Variants in SLC2A2 observed in about 807,000 individuals in gnomAD.
SLC2A2 encodes the protein solute carrier family 2, facilitated glucose transporter member 2.
A neutral mutation model predicts 54.5 loss-of-function variants in SLC2A2; 36 were observed. The ratio of observed to expected loss-of-function variants is 0.66; its 90% CI spans 0.51 to 0.87. SLC2A2 has a LOEUF of 0.87. SLC2A2 is among the 40% of genes least tolerant of loss of function. The pLI, the probability that SLC2A2 is intolerant of heterozygous loss-of-function variation, is 0.00. For missense variants in SLC2A2, 543 were observed against 624.3 expected (o/e 0.87, Z 1.39); for synonymous variants, 223 against 219.1 (o/e 1.02, Z -0.16).
chr3:171,001,203 C>T (rs934667529), intron 8 of SLC2A2, among the ~76,000 whole-genome samples: 10 of 152,028 alleles, frequency 6.6e-5, no homozygotes, highest in African/African-American at 2.4e-4. Flanking sequence ...CCAATCTTGA[C>T]AATTTGATGC....
chr3:171,000,127 A>G (rs1354793522), intron 8 of SLC2A2, among the ~76,000 whole-genome samples: 2 of 152,052 alleles, frequency 1.3e-5, no homozygotes, highest in African/African-American at 2.4e-5. Flanking sequence ...CTCTGAAGAC[A>G]TCTTAGAAAC....
At chr3:171,021,810 C>A (rs1218921476) in intron 1 of SLC2A2, among the ~76,000 whole-genome samples, 2 of 152,234 alleles carry the variant, frequency 1.3e-5, no homozygotes, top group African/African-American at 4.8e-5. Context: ...CCATTCCCAG[C>A]TCTAGATGCC....
intron 1 of SLC2A2, 102 bp from the exon 2 acceptor site, chr3:171,018,725 G>A: frequency 2.5e-6 from 2 of 787,638 alleles, no homozygotes; most frequent in Admixed American, 3.8e-5. Flanking sequence ...CCACAGGCTG[G>A]TTCTTTCCCC....
intron 3 of SLC2A2, among the ~76,000 whole-genome samples, chr3:171,014,182 G>A (rs1162707792): frequency 2.0e-5 from 3 of 152,116 alleles, no homozygotes; most frequent in Non-Finnish European, 4.4e-5. Context: ...TTTGTGTAGT[G>A]GTCTCCTAGT....
In SLC2A2 at chr3:170,998,268, A is replaced by G; in HGVS notation, c.1299T>C (p.Pro433=). 4 of 1,613,870 alleles carry G rather than the reference A, an allele frequency of 2.5e-6. No individual in the cohort carries two copies. The highest frequency in any genetic ancestry group is 3.4e-6 in the Non-Finnish European group (4 of 1,179,824). ...VAEFFSQGPR[P]AALAIAAFSN... Reference sequence around the variant, plus strand: ...TGAATGCAGCTATTGCTAAAGCAGCAGGACGTGGTCCTTGACTGAAAAACT... The same window carrying G: ...TGAATGCAGCTATTGCTAAAGCAGCGGGACGTGGTCCTTGACTGAAAAACT... Residue 433 remains proline, a synonymous_variant, in exon 10 of 11, where the codon CCT becomes CCC. Coordinates refer to ENST00000314251, the MANE Select transcript of SLC2A2 (RefSeq NM_000340.2).
rs1331099667 is a variant in SLC2A2 at position 171,019,888 on chromosome 3, TGAG to T, written c.16-1268_16-1266del. On this transcript the variant is annotated intron_variant, in intron 1 of 10. Coordinates refer to ENST00000314251, the MANE Select transcript of SLC2A2 (RefSeq NM_000340.2). ...GAAGAACAAATGAGTTGATGGTCCT[TGAG>T]GAGGAATGTGAGGTTGGAGAAGGAG... 3.9e-5 allele frequency among the ~76,000 whole-genome samples: 6 copies of T among 152,198 alleles called. No individual in the cohort carries two copies. The South Asian group carries it at 6.2e-4, about 16-fold the overall frequency.
At chr3:171,022,576 C>A (rs1716512286) in intron 1 of SLC2A2, among the ~76,000 whole-genome samples, 2 of 152,194 alleles carry the variant, frequency 1.3e-5, no homozygotes, top group Non-Finnish European at 2.9e-5. Flanking sequence ...AAGCCCAAGA[C>A]CACAATATAC....
Position 171,018,548 on chromosome 3 carries a change from T to C in SLC2A2, c.91A>G (p.Ile31Val). ...SFQFGYDIGV[I>V]NAPQQVIISH... The stretch of plus-strand genomic sequence containing the variant: ...TCACTTGCCTGTTGAGGTGCATTGA[T>C]CACACCAATGTCATATCCAAACTGG... Residue 31 changes from isoleucine (I) to valine (V), a missense_variant, in exon 2 of 11, where the codon ATC (isoleucine) becomes GTC (valine). This residue lies in a region of SLC2A2 where 318 missense variants were observed against 343.8 expected (regional missense o/e 0.93). Coordinates refer to ENST00000314251, the MANE Select transcript of SLC2A2 (RefSeq NM_000340.2). The C allele has an allele frequency of 6.2e-7, 1 of 1,612,906 alleles. No individual in the cohort carries two copies. The highest frequency in any genetic ancestry group is 2.2e-5 in the East Asian group (1 of 44,874).
intron 1 of SLC2A2, among the ~76,000 whole-genome samples, chr3:171,026,368 C>CTTT (rs58089695): frequency 1.1e-4 from 13 of 117,536 alleles, no homozygotes; most frequent in South Asian, 2.8e-4. Flanking sequence ...AATCTGCCCC[C>CTTT]TTTTTTTTTT....
intron 4 of SLC2A2, chr3:171,007,531 T>C: frequency 2.3e-6 from 1 of 432,130 alleles, no homozygotes; most frequent in Non-Finnish European, 4.3e-6. Context: ...TTAATTAAAA[T>C]TCATGTTAAT....
At chr3:171,013,926 T>C (rs570171185) in intron 3 of SLC2A2, among the ~76,000 whole-genome samples, 1 of 117,086 alleles carries the variant, frequency 8.5e-6, no homozygotes, top group African/African-American at 4.2e-5. Flanking sequence ...TCTTGCTTCA[T>C]CTCTGGTTGG....
chr3:171,008,390 T>A (rs926037894), intron 4 of SLC2A2, among the ~76,000 whole-genome samples: 13 of 152,094 alleles, frequency 8.5e-5, no homozygotes, highest in African/African-American at 3.1e-4. Flanking sequence ...TTGTACTATC[T>A]TTCTGTAATA....
chr3:171,008,771 T>G (rs912897630), intron 4 of SLC2A2, among the ~76,000 whole-genome samples: 1 of 152,132 alleles, frequency 6.6e-6, no homozygotes, highest in Non-Finnish European at 1.5e-5. Context: ...TTTAAGGCCA[T>G]GCAGAGACAG....
intron 7 of SLC2A2, 139 bp from the exon 8 acceptor site, chr3:171,002,819 T>A: frequency 1.5e-6 from 1 of 648,958 alleles, no homozygotes; most frequent in Non-Finnish European, 2.8e-6. Flanking sequence ...GATTTTCTCC[T>A]TCCAAGGAAG....
Position 171,025,168 on chromosome 3 carries a change from A to G in SLC2A2, c.15+1488T>C, listed in dbSNP as rs142643498. On this transcript the variant is annotated intron_variant, in intron 1 of 10. Transcript: ENST00000314251. ...AACTACTTTAGCTTTATCCTGGGCT[A>G]TAATACTCATGAAATCATGATGTGC... Among the ~76,000 whole-genome samples the G allele has an allele frequency of 4.4e-3, 675 of 152,186 alleles. 4 individuals carry two copies. Among genetic ancestry groups the G allele is most frequent in the African/African-American group, 0.015 (642 of 41,534 alleles).
Position 171,018,540 on chromosome 3 carries a change from T to G in SLC2A2, c.99A>C (p.Ala33=). 6.2e-7 allele frequency: 1 copy of G among 1,606,896 alleles called. No homozygotes were observed. The highest frequency in any genetic ancestry group is 8.5e-7 in the Non-Finnish European group (1 of 1,173,402). The change falls in exon 2 of 11, where the codon GCA becomes GCC. Residue 33 remains alanine (A), a synonymous_variant. Transcript: ENST00000314251. ...QFGYDIGVIN[A]PQQVIISHYR... is the part of the protein sequence containing the mutation. ...TACATATTTCACTTGCCTGTTGAGG[T>G]GCATTGATCACACCAATGTCATATC...
At chr3:171,019,129 GTATATATATATATATATATATATATA>G (rs1716329884) in intron 1 of SLC2A2, among the ~76,000 whole-genome samples, 1 of 25,036 alleles carries the variant, frequency 4.0e-5, no homozygotes. Context: ...ATATACGTAT[GTATATATATATATATATATATATATA>G]CGTATGTATA....
At chr3:171,005,898 A>G (rs762102633) in intron 6 of SLC2A2, 45 bp downstream of exon 6, 7 of 1,568,760 alleles carry the variant, frequency 4.5e-6, no homozygotes, top group Non-Finnish European at 6.1e-6. Flanking sequence ...ATTAGCTGAT[A>G]ATGCCAAAAC....
intron 7 of SLC2A2, among the ~76,000 whole-genome samples, chr3:171,003,889 A>G (rs1277572734): frequency 1.3e-5 from 2 of 152,074 alleles, no homozygotes; most frequent in Non-Finnish European, 2.9e-5. Flanking sequence ...CAGCATGTAT[A>G]AGAGGTCTAG....
Sources: allele counts gnomAD v4.1 joint callset (sites outside exome capture counted in the v4.1 genomes callset), GRCh38; gene constraint gnomAD v4.1.1; regional missense constraint gnomAD v4.1.1; transcripts MANE v1.5; gene names NCBI Gene and HGNC (gene_info 2026-07-23, HGNC 2026-07-21).